The following PTPRN2 variants were observed in gnomAD, a reference collection of about 807,000 sequenced individuals.
PTPRN2 encodes the protein protein tyrosine phosphatase receptor type N2.
PTPRN2 carries 74 observed loss-of-function variants against 118.8 expected under a neutral mutation model. The ratio of observed to expected loss-of-function variants is 0.62; its 90% CI spans 0.52 to 0.76. The LOEUF is 0.76. Ranked by LOEUF, PTPRN2 falls within the 30% of genes least tolerant of loss-of-function variation. The pLI is 0.00. For synonymous variants in PTPRN2, 641 were observed against 608.0 expected, an observed-to-expected ratio of 1.05 and a Z score of -0.80; for missense variants, 1,481 against 1,394.4, an observed-to-expected ratio of 1.06 and a Z score of -0.99.
chr7:157,711,649 T>A (rs1798625007), intron 12 of PTPRN2, among the ~76,000 whole-genome samples: 2 of 152,046 alleles, frequency 1.3e-5, no homozygotes, highest in Admixed American at 1.3e-4. Context: ...CAGGCAGCTG[T>A]CTAATGCAGG....
At chr7:158,142,004 C>T (rs750837576) in intron 6 of PTPRN2, among the ~76,000 whole-genome samples, 1 of 152,218 alleles carries the variant, frequency 6.6e-6, no homozygotes, top group Non-Finnish European at 1.5e-5. Flanking sequence ...GACGTTGAGG[C>T]CTCTGAATTG....
intron 13 of PTPRN2, among the ~76,000 whole-genome samples, chr7:157,670,235 AGGCACGTACG>A (rs971210103): frequency 6.6e-6 from 1 of 152,176 alleles, no homozygotes; most frequent in Non-Finnish European, 1.5e-5. Flanking sequence ...GAAGCACAGA[AGGCACGTACG>A]GGCTCACGGG....
intron 2 of PTPRN2, among the ~76,000 whole-genome samples, chr7:158,385,661 A>C (rs1004579558): frequency 1.5e-4 from 23 of 152,198 alleles, no homozygotes; most frequent in African/African-American, 5.1e-4. Context: ...CAAAGTTTAC[A>C]AATGCTGGCA....
At chr7:157,588,334 G>A (rs1032190129) in intron 17 of PTPRN2, among the ~76,000 whole-genome samples, 3 of 152,248 alleles carry the variant, frequency 2.0e-5, no homozygotes, top group Non-Finnish European at 4.4e-5. Context: ...AGAAGGTGGC[G>A]CAGCAGGTGC....
intron 2 of PTPRN2, among the ~76,000 whole-genome samples, chr7:158,457,909 T>C (rs1285790842): frequency 6.6e-6 from 1 of 152,216 alleles, no homozygotes; most frequent in Non-Finnish European, 1.5e-5. Context: ...CCCTGAGTGT[T>C]CTCAGCAGGG....
intron 3 of PTPRN2, among the ~76,000 whole-genome samples, chr7:158,243,608 G>T (rs1191590908): frequency 6.6e-6 from 1 of 152,174 alleles, no homozygotes; most frequent in Non-Finnish European, 1.5e-5. Flanking sequence ...AGCCCACAAA[G>T]GTTGATTTGG....
chr7:158,403,158 T>C (rs1402338137), intron 2 of PTPRN2, among the ~76,000 whole-genome samples: 6 of 151,978 alleles, frequency 3.9e-5, no homozygotes, highest in Admixed American at 2.0e-4. Context: ...ACTTGGGAGG[T>C]TGAGCAGACA....
At chr7:157,825,554 A>C (rs559397645) in intron 12 of PTPRN2, among the ~76,000 whole-genome samples, 1 of 152,312 alleles carries the variant, frequency 6.6e-6, no homozygotes. Context: ...ATCCTCTCAA[A>C]AGTGTCAAAA....
At chr7:158,268,383 T>C (rs1798035887) in intron 3 of PTPRN2, among the ~76,000 whole-genome samples, 1 of 114,972 alleles carries the variant, frequency 8.7e-6, no homozygotes, top group South Asian at 2.7e-4. Context: ...GGGTGTGAAA[T>C]ATCCCAGCCG....
chr7:158,191,272 C>T (rs1825744731), intron 5 of PTPRN2, among the ~76,000 whole-genome samples: 1 of 152,176 alleles, frequency 6.6e-6, no homozygotes, highest in Non-Finnish European at 1.5e-5. Context: ...CCTGGTGAGA[C>T]CCCAGTGGAG....
At chr7:158,175,064 A>G (rs1292451298) in intron 5 of PTPRN2, among the ~76,000 whole-genome samples, 1 of 152,144 alleles carries the variant, frequency 6.6e-6, no homozygotes, top group Non-Finnish European at 1.5e-5. Flanking sequence ...TGGGTGGAGG[A>G]GACTCCTGTG....
At chr7:157,775,236 C>T (rs73744883) in intron 12 of PTPRN2, among the ~76,000 whole-genome samples, 1,856 of 152,322 alleles carry the variant, frequency 0.012, 31 homozygotes, top group African/African-American at 0.04. Flanking sequence ...TCTCACCCTT[C>T]GGGTCTGCGG....
At chr7:157,696,581 C>T (rs1197410827) in intron 12 of PTPRN2, among the ~76,000 whole-genome samples, 1 of 142,114 alleles carries the variant, frequency 7.0e-6, no homozygotes, top group Non-Finnish European at 1.5e-5. Context: ...CCCTCACCAT[C>T]TACCCATGCA....
chr7:158,288,911 C>A (rs1799932418), intron 3 of PTPRN2, among the ~76,000 whole-genome samples: 1 of 152,180 alleles, frequency 6.6e-6, no homozygotes. Flanking sequence ...GTCTTTTCCT[C>A]TCCTTCATTT....
chr7:158,123,610 G>C (rs958627590), intron 9 of PTPRN2, among the ~76,000 whole-genome samples: 2 of 152,112 alleles, frequency 1.3e-5, no homozygotes, highest in African/African-American at 2.4e-5. Flanking sequence ...CTGCTAGTGG[G>C]GCTGTCCACA....
intron 2 of PTPRN2, among the ~76,000 whole-genome samples, chr7:158,346,058 A>G (rs1006842060): frequency 4.6e-5 from 7 of 152,246 alleles, no homozygotes; most frequent in Non-Finnish European, 8.8e-5. Context: ...AACCATATCA[A>G]TGGGTACAAG....
intron 12 of PTPRN2, among the ~76,000 whole-genome samples, chr7:157,803,113 C>T (rs1036199949): frequency 2.6e-5 from 4 of 151,976 alleles, no homozygotes; most frequent in East Asian, 3.9e-4. Context: ...TACGGGTGCC[C>T]GCCATCACAC....
At chr7:158,481,711 G>A (rs918728620) in intron 2 of PTPRN2, among the ~76,000 whole-genome samples, 14 of 152,112 alleles carry the variant, frequency 9.2e-5, no homozygotes, top group East Asian at 3.9e-4. Context: ...ATCCACCTGC[G>A]TCGGCCTCCC....
intron 12 of PTPRN2, among the ~76,000 whole-genome samples, chr7:157,695,567 G>A (rs985589022): frequency 6.6e-6 from 1 of 152,164 alleles, no homozygotes; most frequent in Non-Finnish European, 1.5e-5. Flanking sequence ...GTAACAATGA[G>A]TGCATTTTGA....
Sources: gnomAD v4.1 joint callset for allele counts (sites outside exome capture counted in the v4.1 genomes callset) on GRCh38, gnomAD v4.1.1 for gene constraint, MANE v1.5 for transcripts, NCBI Gene and HGNC (gene_info 2026-07-23, HGNC 2026-07-21) for gene names.